FSIP1: variants seen among roughly 807,000 people sequenced by gnomAD.
FSIP1 encodes the protein fibrous sheath interacting protein 1, also known as fibrous sheath-interacting protein 1.
In FSIP1, 65 loss-of-function variants were observed where a neutral mutation model predicts 60.9. The ratio of observed to expected loss-of-function variants is 1.07; its 90% CI spans 0.87 to 1.31. The LOEUF (loss-of-function observed/expected upper bound fraction) is 1.31. Among genes scored for constraint, FSIP1 ranks in the 40% most tolerant of loss-of-function variants. FSIP1 has a pLI of 0.00. For synonymous variants in FSIP1, 209 were observed against 221.2 expected (o/e 0.94, Z 0.49); for missense variants, 675 against 665.5 (o/e 1.01, Z -0.16).
At chr15:39,670,550 T>A (rs2140468087) in intron 10 of FSIP1, among the ~76,000 whole-genome samples, 1 of 152,312 alleles carries the variant, frequency 6.6e-6, no homozygotes, top group African/African-American at 2.4e-5. Flanking sequence ...GGTGCGATCA[T>A]AGCTCACTGC....
intron 10 of FSIP1, among the ~76,000 whole-genome samples, chr15:39,709,629 C>T (rs997609870): frequency 6.6e-6 from 1 of 152,040 alleles, no homozygotes; most frequent in African/African-American, 2.4e-5. Flanking sequence ...GTCTCTCAGA[C>T]AGTGGTCCCC....
chr15:39,704,163 C>T (rs1895172987), intron 10 of FSIP1, among the ~76,000 whole-genome samples: 1 of 152,182 alleles, frequency 6.6e-6, no homozygotes, highest in African/African-American at 2.4e-5. Flanking sequence ...CCACCACCTA[C>T]AGAAAGAACA....
intron 10 of FSIP1, among the ~76,000 whole-genome samples, chr15:39,639,648 T>C (rs1201366506): frequency 6.6e-6 from 1 of 152,226 alleles, no homozygotes; most frequent in South Asian, 2.1e-4. Flanking sequence ...CTTTGGATTC[T>C]ACCATAAAGT....
intron 10 of FSIP1, among the ~76,000 whole-genome samples, chr15:39,668,352 A>T (rs1480512695): frequency 1.3e-5 from 2 of 152,126 alleles, no homozygotes; most frequent in Non-Finnish European, 2.9e-5. Flanking sequence ...CCCACCTTGC[A>T]GAAGCAATTT....
intron 10 of FSIP1, among the ~76,000 whole-genome samples, chr15:39,654,940 G>A (rs533709018): frequency 1.3e-5 from 2 of 152,286 alleles, no homozygotes; most frequent in African/African-American, 4.8e-5. Context: ...TCTGGAAAAA[G>A]ACACACCAGC....
At chr15:39,608,245 A>T (rs1226747967) in intron 11 of FSIP1, among the ~76,000 whole-genome samples, 1 of 152,232 alleles carries the variant, frequency 6.6e-6, no homozygotes, top group Non-Finnish European at 1.5e-5. Context: ...TTATAATTGC[A>T]TATTAACATT....
At chr15:39,749,765 C>T (rs1897110579) in intron 5 of FSIP1, among the ~76,000 whole-genome samples, 2 of 151,782 alleles carry the variant, frequency 1.3e-5, no homozygotes. Flanking sequence ...TAGGGATGCC[C>T]ACTCTCATCA....
At chr15:39,667,808 G>A (rs936843409) in intron 10 of FSIP1, among the ~76,000 whole-genome samples, 2 of 152,174 alleles carry the variant, frequency 1.3e-5, no homozygotes, top group Non-Finnish European at 2.9e-5. Flanking sequence ...ATCAATTTAG[G>A]CAAAGGCCTG....
chr15:39,679,343 C>A (rs899835794), intron 10 of FSIP1, among the ~76,000 whole-genome samples: 2 of 152,188 alleles, frequency 1.3e-5, no homozygotes, highest in African/African-American at 4.8e-5. Context: ...ATTTGTCTGA[C>A]CTGTTGCGCC....
intron 5 of FSIP1, among the ~76,000 whole-genome samples, chr15:39,759,181 T>C (rs545181422): frequency 6.7e-4 from 101 of 151,826 alleles, no homozygotes; most frequent in Admixed American, 1.3e-3. Context: ...GAGCAAGAAA[T>C]GTCACAAAAT....
At chr15:39,737,053 G>A (rs2140629849) in intron 8 of FSIP1, among the ~76,000 whole-genome samples, 1 of 152,282 alleles carries the variant, frequency 6.6e-6, no homozygotes, top group Non-Finnish European at 1.5e-5. Context: ...CAGGGGGCCA[G>A]CAGCATTCAC....
chr15:39,614,134 ACTAT>A (rs962072667), intron 11 of FSIP1, among the ~76,000 whole-genome samples: 8 of 152,194 alleles, frequency 5.3e-5, no homozygotes, highest in Non-Finnish European at 1.0e-4. Context: ...AAGAAATGAA[ACTAT>A]CTCTCTTTGC....
At chr15:39,635,561 C>A (rs565869081) in intron 10 of FSIP1, among the ~76,000 whole-genome samples, 1 of 152,118 alleles carries the variant, frequency 6.6e-6, no homozygotes, top group Non-Finnish European at 1.5e-5. Flanking sequence ...ACTGACCTGT[C>A]TGGGAACAAT....
chr15:39,730,804 C>T (rs1029625853), intron 8 of FSIP1, among the ~76,000 whole-genome samples: 1 of 152,132 alleles, frequency 6.6e-6, no homozygotes, highest in Non-Finnish European at 1.5e-5. Flanking sequence ...GTGATGGTGG[C>T]AGCAATGAGC....
intron 5 of FSIP1, among the ~76,000 whole-genome samples, chr15:39,762,161 A>G (rs1215686054): frequency 6.6e-6 from 1 of 152,230 alleles, no homozygotes; most frequent in Non-Finnish European, 1.5e-5. Flanking sequence ...TAGGGCTGCT[A>G]TAACAATTTA....
chr15:39,736,918 G>A (rs1896630576), intron 8 of FSIP1, among the ~76,000 whole-genome samples: 1 of 152,146 alleles, frequency 6.6e-6, no homozygotes, highest in South Asian at 2.1e-4. Flanking sequence ...CCTAGGGTGG[G>A]GAGGGAGTGA....
rs149397435 is a variant in FSIP1 at position 39,739,475 on chromosome 15, A to T, written c.780+190T>A. ...TTAAAAAGAGATAGGATAGGATAGG[A>T]TGTAGTGGGTTGAACATAGAAATAA... is the stretch of plus-strand genomic sequence containing the variant. On this transcript the variant is annotated intron_variant, in intron 7 of 11. Transcript: ENST00000350221. Among the ~76,000 whole-genome samples the T allele has an allele frequency of 2.5e-4, 38 of 152,362 alleles. No homozygotes were observed. The East Asian group carries it at 5.4e-3, about 22-fold the overall frequency.
chr15:39,659,628 A>T (rs1271042630), intron 10 of FSIP1, among the ~76,000 whole-genome samples: 15 of 132,022 alleles, frequency 1.1e-4, no homozygotes, highest in Admixed American at 5.9e-4. Flanking sequence ...CTGTTATTTT[A>T]AAAAAAAAAA....
intron 10 of FSIP1, among the ~76,000 whole-genome samples, chr15:39,690,962 G>A (rs1429929820): frequency 2.6e-5 from 4 of 152,100 alleles, no homozygotes; most frequent in African/African-American, 9.7e-5. Context: ...GACCTCTGCT[G>A]GGACAACATC....
Sources: gnomAD v4.1 joint callset for allele counts (sites outside exome capture counted in the v4.1 genomes callset) on GRCh38, gnomAD v4.1.1 for gene constraint, MANE v1.5 for transcripts, NCBI Gene and HGNC (gene_info 2026-07-23, HGNC 2026-07-21) for gene names.